OTUD7B: variants seen among roughly 807,000 people sequenced by gnomAD.
OTUD7B encodes OTU deubiquitinase 7B.
OTUD7B carries 34 observed loss-of-function variants against 82.2 expected under a neutral mutation model. That is an observed-to-expected ratio of 0.41 (90% CI 0.31 to 0.55). The LOEUF is 0.55. Among genes scored for constraint, OTUD7B ranks in the 20% least tolerant of loss-of-function variants. OTUD7B has a pLI of 0.20. For missense variants in OTUD7B, 944 were observed against 1,062.1 expected, an observed-to-expected ratio of 0.89 and a Z score of 1.55; for synonymous variants, 398 against 402.7, an observed-to-expected ratio of 0.99 and a Z score of 0.14.
intron 1 of OTUD7B, among the ~76,000 whole-genome samples, chr1:149,996,093 C>G (rs1156456763): frequency 1.3e-5 from 2 of 152,182 alleles, no homozygotes; most frequent in Non-Finnish European, 2.9e-5. Context: ...ACAATGTTAA[C>G]AACACATTAC....
chr1:150,049,435 G>GA, the OTUD7B span, among the ~76,000 whole-genome samples: 1 of 152,040 alleles, frequency 6.6e-6, no homozygotes, highest in Admixed American at 6.6e-5. Flanking sequence ...AATTGAAGCA[G>GA]AAAAAACCCC....
chr1:150,045,718 C>A, the OTUD7B span, among the ~76,000 whole-genome samples: 1 of 152,140 alleles, frequency 6.6e-6, no homozygotes, highest in East Asian at 1.9e-4. Context: ...CAAAAACAAA[C>A]TAATTATATA....
intron 1 of OTUD7B, among the ~76,000 whole-genome samples, chr1:149,992,983 T>G (rs1651695758): frequency 6.6e-6 from 1 of 151,952 alleles, no homozygotes; most frequent in African/African-American, 2.4e-5. Context: ...AAACCCCATC[T>G]CTACTAAAAA....
chr1:149,978,247 C>G (rs1016830998), intron 1 of OTUD7B, among the ~76,000 whole-genome samples: 3 of 152,198 alleles, frequency 2.0e-5, no homozygotes, highest in African/African-American at 7.2e-5. Context: ...TGGCTCACGC[C>G]TTTAATCTCA....
the OTUD7B span, chr1:150,067,564 T>G: frequency 1.3e-5 from 5 of 390,974 alleles, no homozygotes; most frequent in Non-Finnish European, 1.4e-5. Flanking sequence ...CAAAGGGCAA[T>G]AGGGGTCTGA....
intron 10 of OTUD7B, among the ~76,000 whole-genome samples, chr1:149,947,653 T>C (rs1647858861): frequency 6.6e-6 from 1 of 152,030 alleles, no homozygotes; most frequent in Non-Finnish European, 1.5e-5. Context: ...ATTATCATTG[T>C]TGTTGTTGTA....
rs1330515365 is a variant in OTUD7B, at chr1:149,964,497, G to A, written c.605-148C>T. 5 of 653,404 alleles carry A rather than the reference G, an allele frequency of 7.7e-6. No individual in the cohort carries two copies. In the Admixed American group the frequency reaches 1.5e-4, roughly 19 times the overall value. The allele number at this position is 653,404 out of a possible 1,614,324, so 40.5% of individuals were successfully genotyped here. A position where few individuals can be genotyped will look rare whatever the true frequency, so the allele number is the denominator to read the frequency against. ...CCCCCCTGCCTTACCCTCCCAAAGT[G>A]CTGGGATTATAGGTGTGAGCCATGG... On this transcript the variant is annotated intron_variant, in intron 5 of 11. Coordinates refer to ENST00000581312, the MANE Select transcript of OTUD7B (RefSeq NM_020205.4).
rs2092754754 is a variant in OTUD7B, at chr1:149,940,610, G to C, written c.*3247C>G. The C allele has an allele frequency of 1.3e-5, 2 of 152,198 alleles. No homozygotes were observed. The highest frequency in any genetic ancestry group is 2.4e-5 in the African/African-American group (1 of 41,526). The allele number at this position is 152,198 out of a possible 1,614,324, so 9.4% of individuals were successfully genotyped here. On this transcript the variant is annotated 3_prime_UTR_variant, in exon 12 of 12. Coordinates refer to ENST00000581312, the MANE Select transcript of OTUD7B (RefSeq NM_020205.4). Reference sequence around the variant, plus strand: ...AGTTGCCCTGGATTAAAGGAACTAAGTGCACTTAAATTTAAGCCTGAGAGA... The same window carrying C: ...AGTTGCCCTGGATTAAAGGAACTAACTGCACTTAAATTTAAGCCTGAGAGA...
At position 149,971,147 on chromosome 1, in the gene OTUD7B, T is replaced by C; in HGVS notation, c.190A>G (p.Arg64Gly). The change falls in exon 3 of 12, where the codon AGG becomes GGG. Residue 64 changes from arginine to glycine, a missense_variant. Arg to Gly is a moderately radical substitution (Grantham distance 125). Around this residue, in one of 3 missense-constraint regions of OTUD7B, gnomAD observed 530 missense variants for 625.6 expected, o/e 0.85. Coordinates refer to ENST00000581312, the MANE Select transcript of OTUD7B (RefSeq NM_020205.4). Reference sequence around the variant, plus strand: ...TCAGAAAACCCTTTTTCAGGGGTCCTGGAGCCACCACTCCCCTCACTAAAG... The same window carrying C: ...TCAGAAAACCCTTTTTCAGGGGTCCCGGAGCCACCACTCCCCTCACTAAAG... ...PSFSEGSGGS[R>G]TPEKGFSDRE... 6.2e-7 allele frequency: 1 copy of C among 1,613,872 alleles called. No individual in the cohort carries two copies. The highest frequency in any genetic ancestry group is 8.5e-7 in the Non-Finnish European group (1 of 1,179,792).
Position 149,938,952 on chromosome 1 carries a change from A to C in OTUD7B, c.*4905T>G. On this transcript the variant is annotated 3_prime_UTR_variant, in exon 12 of 12. Transcript: ENST00000581312. Reference sequence around the variant, plus strand: ...TGTCTCAAAAAAAAAAAAAAAAAAAAGCGGGGTGGGGGGAAATCAGGAGGA... The same window carrying C: ...TGTCTCAAAAAAAAAAAAAAAAAAACGCGGGGTGGGGGGAAATCAGGAGGA... 2 of 142,350 alleles carry C rather than the reference A, an allele frequency of 1.4e-5. No homozygotes were observed. The highest frequency in any genetic ancestry group is 2.4e-4 in the East Asian group (1 of 4,200). 8.8% of individuals were successfully genotyped at this position (142,350 alleles called of 1,614,324 possible).
chr1:150,012,895 G>A (rs1431724606), upstream of OTUD7B, among the ~76,000 whole-genome samples: 1 of 152,198 alleles, frequency 6.6e-6, no homozygotes, highest in Non-Finnish European at 1.5e-5. Flanking sequence ...TGGGAGCCAG[G>A]CCACCTGGGT....
chr1:149,953,589 T>G (rs190490652), intron 7 of OTUD7B, among the ~76,000 whole-genome samples: 1 of 152,278 alleles, frequency 6.6e-6, no homozygotes, highest in East Asian at 1.9e-4. Context: ...GTGAAGAAAG[T>G]CATTGGTGGT....
chr1:150,019,078 G>A, the OTUD7B span, among the ~76,000 whole-genome samples: 80 of 152,286 alleles, frequency 5.3e-4, no homozygotes, highest in East Asian at 0.014. Flanking sequence ...GGACACAGTT[G>A]TTACTAGTGT....
At chr1:149,990,786 A>T (rs1553781900) in intron 1 of OTUD7B, among the ~76,000 whole-genome samples, 1 of 152,144 alleles carries the variant, frequency 6.6e-6, no homozygotes, top group East Asian at 1.9e-4. Flanking sequence ...ACCTGAGGTC[A>T]GGAGTTTGCG....
At chr1:149,999,196 A>G (rs2101922242) in intron 1 of OTUD7B, among the ~76,000 whole-genome samples, 1 of 152,306 alleles carries the variant, frequency 6.6e-6, no homozygotes, top group South Asian at 2.1e-4. Flanking sequence ...TTCATAATGA[A>G]CTAGTATATT....
chr1:149,960,538 C>A (rs587698638), intron 6 of OTUD7B, among the ~76,000 whole-genome samples: 5 of 151,594 alleles, frequency 3.3e-5, no homozygotes, highest in Non-Finnish European at 7.4e-5. Flanking sequence ...CACCCACCAC[C>A]AGGCCCAGCT....
intron 1 of OTUD7B, among the ~76,000 whole-genome samples, chr1:150,001,446 G>C (rs1652274259): frequency 6.6e-6 from 1 of 152,064 alleles, no homozygotes; most frequent in South Asian, 2.1e-4. Flanking sequence ...CTTAGAACAG[G>C]GTAGAGTGAG....
At chr1:150,030,067 G>A in the OTUD7B span, among the ~76,000 whole-genome samples, 1 of 152,184 alleles carries the variant, frequency 6.6e-6, no homozygotes, top group Non-Finnish European at 1.5e-5. Context: ...TCTAAGTACA[G>A]CTGGGGAAAA....
At chr1:150,015,692 CCTT>C (rs2101968748), upstream of OTUD7B, among the ~76,000 whole-genome samples, 1 of 152,274 alleles carries the variant, frequency 6.6e-6, no homozygotes, top group African/African-American at 2.4e-5. Context: ...TGTCCATCCT[CCTT>C]CTTCCTCCAT....
Sources: gnomAD v4.1 joint callset for allele counts (sites outside exome capture counted in the v4.1 genomes callset) on GRCh38, gnomAD v4.1.1 for gene constraint, gnomAD v4.1.1 regional missense constraint, MANE v1.5 for transcripts, NCBI Gene and HGNC (gene_info 2026-07-23, HGNC 2026-07-21) for gene names.